The following TENM3 variants were observed in gnomAD, a reference collection of about 807,000 sequenced individuals.
TENM3 encodes teneurin transmembrane protein 3, also known as teneurin-3.
TENM3 carries 63 observed loss-of-function variants against 255.1 expected under a neutral mutation model. The ratio of observed to expected loss-of-function variants is 0.25; its 90% CI spans 0.20 to 0.30. The LOEUF (loss-of-function observed/expected upper bound fraction) is 0.30. Ranked by LOEUF, TENM3 falls within the 10% of genes least tolerant of loss-of-function variation. TENM3 has a pLI of 1.00. For synonymous variants in TENM3, 1,306 were observed against 1,322.3 expected, an observed-to-expected ratio of 0.99 and a Z score of 0.27; for missense variants, 2,929 against 3,461.1, an observed-to-expected ratio of 0.85 and a Z score of 3.86.
At chr4:181,660,977 G>C in the TENM3 span, among the ~76,000 whole-genome samples, 1 of 152,186 alleles carries the variant, frequency 6.6e-6, no homozygotes, top group Non-Finnish European at 1.5e-5. Flanking sequence ...AATGCAACAA[G>C]CTTCTAGGAG....
intron 3 of TENM3, among the ~76,000 whole-genome samples, chr4:182,368,106 TCC>T (rs1766552226): frequency 6.6e-6 from 1 of 152,210 alleles, no homozygotes; most frequent in Admixed American, 6.5e-5. Context: ...TTTAGTTACT[TCC>T]TGCAAATCTC....
chr4:181,821,287 C>T, the TENM3 span, among the ~76,000 whole-genome samples: 2 of 152,158 alleles, frequency 1.3e-5, no homozygotes, highest in Non-Finnish European at 2.9e-5. Context: ...AGCTGAAGTG[C>T]CGCTTGCTCC....
At chr4:181,457,501 T>A in the TENM3 span, among the ~76,000 whole-genome samples, 1 of 151,810 alleles carries the variant, frequency 6.6e-6, no homozygotes, top group Non-Finnish European at 1.5e-5. Context: ...AAGAGAATAG[T>A]GCATTATTGA....
intron 3 of TENM3, among the ~76,000 whole-genome samples, chr4:182,556,675 T>C (rs1427882452): frequency 1.3e-5 from 2 of 152,160 alleles, no homozygotes; most frequent in Non-Finnish European, 2.9e-5. Flanking sequence ...GCCAGCACTT[T>C]GTTGAATTCA....
the TENM3 span, among the ~76,000 whole-genome samples, chr4:181,561,080 G>A: frequency 6.6e-6 from 1 of 152,136 alleles, no homozygotes; most frequent in African/African-American, 2.4e-5. Context: ...AGCCTCCCGA[G>A]TAGCTGGGAT....
At chr4:181,905,177 T>C in the TENM3 span, among the ~76,000 whole-genome samples, 1 of 152,234 alleles carries the variant, frequency 6.6e-6, no homozygotes, top group Admixed American at 6.5e-5. Flanking sequence ...CCTATTCTTC[T>C]GTCTTGCCTT....
chr4:182,129,037 C>G, the TENM3 span, among the ~76,000 whole-genome samples: 13 of 152,172 alleles, frequency 8.5e-5, no homozygotes, highest in African/African-American at 2.9e-4. Flanking sequence ...TTTGAGGCCA[C>G]GCAGAAAGAT....
the TENM3 span, among the ~76,000 whole-genome samples, chr4:181,859,212 C>T: frequency 1.4e-5 from 2 of 144,122 alleles, no homozygotes; most frequent in African/African-American, 5.3e-5. Flanking sequence ...CACTGCGCTC[C>T]ACCCTGTGTG....
At chr4:182,206,618 T>C (rs1449533156) in intron 1 of TENM3, among the ~76,000 whole-genome samples, 1 of 152,238 alleles carries the variant, frequency 6.6e-6, no homozygotes, top group Non-Finnish European at 1.5e-5. Context: ...AATAAATATT[T>C]ACTGAGAACC....
intron 1 of TENM3, among the ~76,000 whole-genome samples, chr4:182,215,369 C>T (rs1253141085): frequency 6.6e-6 from 1 of 152,128 alleles, no homozygotes; most frequent in African/African-American, 2.4e-5. Context: ...GACTAAATTA[C>T]CACTTCACTC....
chr4:182,329,429 G>A (rs372281588), intron 2 of TENM3, among the ~76,000 whole-genome samples: 1 of 152,178 alleles, frequency 6.6e-6, no homozygotes, highest in Non-Finnish European at 1.5e-5. Flanking sequence ...CTCTGATAGG[G>A]TGAGAATGCC....
the TENM3 span, among the ~76,000 whole-genome samples, chr4:181,560,837 G>A: frequency 5.3e-5 from 8 of 152,162 alleles, no homozygotes; most frequent in African/African-American, 1.2e-4. Context: ...CTCTGCTCAC[G>A]GTGCAGGGCA....
intron 3 of TENM3, among the ~76,000 whole-genome samples, chr4:182,548,274 G>A (rs1046776786): frequency 6.6e-6 from 1 of 151,952 alleles, no homozygotes; most frequent in African/African-American, 2.4e-5. Context: ...GAAAAAGACC[G>A]CCCGTGACTC....
Position 182,403,441 on chromosome 4 carries a change from T to C in TENM3, c.511+56512T>C, listed in dbSNP as rs146484186. ...ACTATATCTTAACTCTAAGTACAAA[T>C]GCAAGAATAGTGTATATCCTACATT... On this transcript the variant is annotated intron_variant, in intron 3 of 27. Transcript: ENST00000511685. 2.1e-3 allele frequency among the ~76,000 whole-genome samples: 318 copies of C among 152,320 alleles called. 9 individuals are homozygous for C. The East Asian group carries it at 0.051, about 24-fold the overall frequency.
At chr4:181,892,391 G>T in the TENM3 span, among the ~76,000 whole-genome samples, 1 of 152,186 alleles carries the variant, frequency 6.6e-6, no homozygotes, top group South Asian at 2.1e-4. Flanking sequence ...AGACTACCTA[G>T]TTTCTGAGTG....
the TENM3 span, among the ~76,000 whole-genome samples, chr4:182,027,240 G>T: frequency 6.6e-6 from 1 of 151,984 alleles, no homozygotes; most frequent in Non-Finnish European, 1.5e-5. Context: ...GATGGCTATT[G>T]TAAATGGGAT....
At chr4:181,687,312 G>A in the TENM3 span, among the ~76,000 whole-genome samples, 110 of 152,268 alleles carry the variant, frequency 7.2e-4, 1 homozygote, top group Non-Finnish European at 1.2e-3. Flanking sequence ...AATCCCACAT[G>A]CTAATGACTA....
chr4:181,986,223 C>A, the TENM3 span, among the ~76,000 whole-genome samples: 1 of 152,178 alleles, frequency 6.6e-6, no homozygotes, highest in Admixed American at 6.6e-5. Flanking sequence ...CCTCACGTTT[C>A]TTCTTCTGCA....
At chr4:182,493,020 A>G (rs545129457) in intron 3 of TENM3, among the ~76,000 whole-genome samples, 20 of 152,216 alleles carry the variant, frequency 1.3e-4, no homozygotes, top group African/African-American at 4.8e-4. Context: ...ATGCCATGAG[A>G]CGTGACAATT....
Sources: gnomAD v4.1 joint callset for allele counts (sites outside exome capture counted in the v4.1 genomes callset) on GRCh38, gnomAD v4.1.1 for gene constraint, MANE v1.5 for transcripts, NCBI Gene and HGNC (gene_info 2026-07-23, HGNC 2026-07-21) for gene names.